Variants in SLC6A9 observed in about 807,000 individuals in gnomAD.
SLC6A9 encodes the protein sodium- and chloride-dependent glycine transporter 1.
In SLC6A9, 31 loss-of-function variants were observed where a neutral mutation model predicts 70.9. That is an observed-to-expected ratio of 0.44 (90% CI 0.33 to 0.59). SLC6A9 has a LOEUF of 0.59. SLC6A9 is among the 20% of genes least tolerant of loss of function. The pLI is 0.04. For synonymous variants in SLC6A9, 310 were observed against 341.3 expected, an observed-to-expected ratio of 0.91 and a Z score of 1.01; for missense variants, 631 against 845.2, an observed-to-expected ratio of 0.75 and a Z score of 3.14.
chr1:44,011,295 T>C (rs1352430651), intron 2 of SLC6A9, among the ~76,000 whole-genome samples: 1 of 152,084 alleles, frequency 6.6e-6, no homozygotes, highest in Non-Finnish European at 1.5e-5. Context: ...GGGGCCTGTG[T>C]CCAGACAGCC....
chr1:44,022,044 G>A (rs948155695), intron 2 of SLC6A9, among the ~76,000 whole-genome samples: 1 of 152,278 alleles, frequency 6.6e-6, no homozygotes, highest in Admixed American at 6.5e-5. Context: ...AAAGGGCAGA[G>A]AGCGGGGAGG....
At position 43,997,943 on chromosome 1, in the gene SLC6A9, C is replaced by T. The variant is rs1171673120; in HGVS notation, c.1619G>A (p.Gly540Asp). Residue 540 changes from glycine (G) to aspartate (D), a missense_variant, in exon 13 of 14, where the codon GGC becomes GAC. Physicochemically the swap from Gly to Asp is moderately conservative, Grantham distance 94. Transcript: ENST00000372310. This position sits in a 1 kb window ranked among gnomAD's most constrained non-coding sequence, Gnocchi z 4.4. ...GACGGAGGACAGAGCCATGAGGAAG[C>T]CAATGGCCACGGCCCAGCCTGGGTA... ...YQYPGWAVAI[G>D]FLMALSSVLC... is the part of the protein sequence containing the mutation. The T allele has an allele frequency of 1.2e-6, 2 of 1,614,026 alleles. No homozygotes were observed. The highest frequency in any genetic ancestry group is 2.7e-5 in the African/African-American group (2 of 74,940).
rs1571830535 is a variant in SLC6A9, at chr1:43,997,306, A to C, written c.*239T>G. On this transcript the variant is annotated 3_prime_UTR_variant, in exon 14 of 14. Transcript: ENST00000372310. The surrounding 1 kb of genome is among the most constrained non-coding windows in gnomAD (Gnocchi z 4.4). ...CCGAGACCCCTCCAAAGTGCTTTGG[A>C]CCTCCCAGCAACCCTCCACTCCCAC... is the stretch of plus-strand genomic sequence containing the variant. 1 of 545,320 alleles carries C rather than the reference A, an allele frequency of 1.8e-6. No individual in the cohort carries two copies. The highest frequency in any genetic ancestry group is 4.8e-4 in the Middle Eastern group (1 of 2,066). 33.8% of individuals were successfully genotyped at this position (545,320 alleles called of 1,614,324 possible).
chr1:44,003,052 A>G (rs2086179425), intron 5 of SLC6A9, 67 bp from the exon 6 acceptor site: 1 of 1,587,600 alleles, frequency 6.3e-7, no homozygotes, highest in Non-Finnish European at 8.6e-7. Context: ...CCCAAGGCCC[A>G]GGGCCCACCC....
At chr1:44,011,008 G>A in intron 2 of SLC6A9, 126 bp from the exon 3 acceptor site, 6 of 989,084 alleles carry the variant, frequency 6.1e-6, no homozygotes, top group South Asian at 4.5e-5. Context: ...CCCTCTGCTG[G>A]CAGGAGCTTC....
intron 5 of SLC6A9, among the ~76,000 whole-genome samples, chr1:44,003,750 A>G (rs1390999447): frequency 3.5e-4 from 9 of 25,956 alleles, no homozygotes; most frequent in Non-Finnish European, 1.2e-3. Flanking sequence ...TCCAATCTCA[A>G]AAAAAAAAAA....
At chr1:44,025,079 T>C (rs1050827686) in intron 1 of SLC6A9, among the ~76,000 whole-genome samples, 15 of 152,372 alleles carry the variant, frequency 9.8e-5, no homozygotes, top group African/African-American at 3.6e-4. Context: ...ATGACACTTA[T>C]TTGCTTATAA....
intron 2 of SLC6A9, chr1:44,017,077 A>C: frequency 6.2e-7 from 1 of 1,603,638 alleles, no homozygotes; most frequent in Non-Finnish European, 8.5e-7. Context: ...CCACAGGTCC[A>C]TGAGCCGCGG....
intron 2 of SLC6A9, among the ~76,000 whole-genome samples, chr1:44,020,662 C>T (rs1194038679): frequency 1.3e-5 from 2 of 152,150 alleles, no homozygotes; most frequent in African/African-American, 2.4e-5. Flanking sequence ...GGTGACCTCC[C>T]AATAATGCAC....
In SLC6A9 at chr1:44,002,693, TG is replaced by T. The variant is rs1352235803; in HGVS notation, c.724-48del. On this transcript the variant is annotated intron_variant, in intron 6 of 13. Coordinates refer to ENST00000372310, the MANE Select transcript of SLC6A9 (RefSeq NM_001024845.3). The surrounding 1 kb of genome is among the most constrained non-coding windows in gnomAD (Gnocchi z 5.5). ...GACTCTTCTGGGCTCTCCCCTCCCC[TG>T]GGCACCACCACCCTGGCTCCCTAAT... 6.2e-7 allele frequency: 1 copy of T among 1,610,748 alleles called. No homozygotes were observed. The highest frequency in any genetic ancestry group is 8.5e-7 in the Non-Finnish European group (1 of 1,177,418).
At chr1:44,001,129 A>G in intron 10 of SLC6A9, 35 bp downstream of exon 10, 1 of 1,613,918 alleles carries the variant, frequency 6.2e-7, no homozygotes, top group African/African-American at 1.3e-5. Context: ...CGTCCTGGCA[A>G]CTCTGGGCCA....
intron 2 of SLC6A9, 67 bp from the exon 3 acceptor site, chr1:44,010,949 T>G: frequency 6.5e-7 from 1 of 1,546,070 alleles, no homozygotes; most frequent in Non-Finnish European, 8.9e-7. Context: ...CCTCTGGGCC[T>G]CCCCCAGCAG....
chr1:44,027,828 A>G (rs888506557), intron 1 of SLC6A9, among the ~76,000 whole-genome samples: 9 of 152,148 alleles, frequency 5.9e-5, no homozygotes, highest in African/African-American at 1.9e-4. Context: ...ACACAAAATT[A>G]GCTGGGCGTG....
At chr1:44,009,828 GT>G in intron 4 of SLC6A9, 136 bp downstream of exon 4, 1 of 1,035,854 alleles carries the variant, frequency 9.7e-7, no homozygotes, top group Non-Finnish European at 1.4e-6. Flanking sequence ...GGCTTAGGCC[GT>G]TGATGTGGGG....
intron 2 of SLC6A9, chr1:44,011,813 C>T: frequency 1.5e-6 from 2 of 1,301,454 alleles, no homozygotes; most frequent in Non-Finnish European, 2.2e-6. Context: ...AGCTGGTGGC[C>T]TGGGCCCCAC....
In SLC6A9 at chr1:43,998,033, G is replaced by A. The variant is rs757540868; in HGVS notation, c.1537-8C>T. On this transcript the variant is annotated splice_region_variant and splice_polypyrimidine_tract_variant and intron_variant, in intron 12 of 13. Transcript: ENST00000372310. ...AGTGAAAACTAGAATAAACTGCACG[G>A]GGCAGGTGTGGGAGTGGGCGTGAGG... The A allele has an allele frequency of 4.4e-6, 7 of 1,605,062 alleles. No homozygotes were observed. Among genetic ancestry groups the A allele is most frequent in the Non-Finnish European group, 6.0e-6 (7 of 1,173,824 alleles).
chr1:44,007,164 G>A (rs543007393), intron 5 of SLC6A9, among the ~76,000 whole-genome samples: 1 of 152,094 alleles, frequency 6.6e-6, no homozygotes, highest in Non-Finnish European at 1.5e-5. Context: ...AGCTCTGACT[G>A]CCTGGTCTTG....
chr1:44,028,944 T>C (rs1052717278), intron 1 of SLC6A9, among the ~76,000 whole-genome samples: 13 of 152,108 alleles, frequency 8.5e-5, no homozygotes, highest in African/African-American at 3.1e-4. Flanking sequence ...GACTTGGTGA[T>C]GAATCGGACT....
At chr1:44,024,432 G>A (rs1029310214) in intron 1 of SLC6A9, 70 bp from the exon 2 acceptor site, 86 of 889,174 alleles carry the variant, frequency 9.7e-5, no homozygotes, top group Non-Finnish European at 1.5e-4. Context: ...GACAGGTAGT[G>A]CCGAGCCACC....
Sources: allele counts gnomAD v4.1 joint callset (sites outside exome capture counted in the v4.1 genomes callset), GRCh38; gene constraint gnomAD v4.1.1; non-coding constraint Gnocchi (gnomAD v3.1); transcripts MANE v1.5; gene names NCBI Gene and HGNC (gene_info 2026-07-23, HGNC 2026-07-21).